ADGRB1: variants seen among roughly 807,000 people sequenced by gnomAD.
ADGRB1 encodes brain-specific angiogenesis inhibitor 1.
Under a neutral mutation model 175.7 loss-of-function variants are expected in ADGRB1, and 36 were observed. That is an observed-to-expected ratio of 0.20 (90% CI 0.16 to 0.27). ADGRB1 has a LOEUF of 0.27. Ranked by LOEUF, ADGRB1 falls within the 10% of genes least tolerant of loss-of-function variation. The pLI is 1.00. For missense variants in ADGRB1, 1,731 were observed against 2,255.3 expected (o/e 0.77, Z 4.71); for synonymous variants, 1,054 against 979.4 (o/e 1.08, Z -1.42).
rs1421246826 is a variant in ADGRB1, at chr8:142,498,648, G to T, written c.2675+7833G>T. On this transcript the variant is annotated intron_variant, in intron 17 of 30. Transcript: ENST00000517894. ...ATTGAGAGTCTGTGCCCTCCTCCCA[G>T]TCCAGGGAGCTTCCTGGGCAACTGG... Among the ~76,000 whole-genome samples, 3 of 152,070 alleles carry T rather than the reference G, an allele frequency of 2.0e-5. 1 individual carries two copies. The highest frequency in any genetic ancestry group is 2.0e-4 in the Admixed American group (3 of 15,284).
intron 5 of ADGRB1, 48 bp downstream of exon 5, chr8:142,477,326 G>GGCTGAGGCAGCGGACT (rs1841037276): frequency 3.2e-6 from 5 of 1,586,536 alleles, no homozygotes; most frequent in Non-Finnish European, 4.3e-6. Context: ...GGCAGCGGGG[G>GGCTGAGGCAGCGGACT]GCCAGGGCAG....
intron 24 of ADGRB1, among the ~76,000 whole-genome samples, chr8:142,532,812 G>A (rs527789286): frequency 5.3e-5 from 8 of 152,086 alleles, no homozygotes; most frequent in African/African-American, 1.9e-4. Context: ...CCTCCTTGGC[G>A]CACCCCACAC....
intron 9 of ADGRB1, among the ~76,000 whole-genome samples, 161 bp from the exon 10 acceptor site, chr8:142,481,093 G>A (rs1371409682): frequency 6.6e-6 from 1 of 152,246 alleles, no homozygotes; most frequent in Non-Finnish European, 1.5e-5. Flanking sequence ...TGAAGGGAAC[G>A]AGGTCCCTGC....
chr8:142,512,407 G>T (rs1219936330), intron 18 of ADGRB1, among the ~76,000 whole-genome samples: 1 of 152,150 alleles, frequency 6.6e-6, no homozygotes, highest in African/African-American at 2.4e-5. Flanking sequence ...AGCCTTTCTG[G>T]GCCCCTTCGA....
At chr8:142,483,882 A>G in intron 11 of ADGRB1, 95 bp from the exon 12 acceptor site, 1 of 1,343,824 alleles carries the variant, frequency 7.4e-7, no homozygotes, top group Non-Finnish European at 1.1e-6. Context: ...TTCAGCCCTG[A>G]CCCTGGTCAC....
chr8:142,464,545 G>T lies in ADGRB1; in HGVS notation c.347G>T (p.Gly116Val). ...CTCGAGTCCACGCGCACCTACCTGG[G>T]CGTGGAGAGCTTCGACGAGGTGCTG... ...SFLESTRTYL[G>V]VESFDEVLRL... The change falls in exon 2 of 31, where the codon GGC becomes GTC. Residue 116 changes from glycine (G) to valine (V), a missense_variant. Coordinates refer to ENST00000517894, the MANE Select transcript of ADGRB1 (RefSeq NM_001702.3). 1 of 1,560,562 alleles carries T rather than the reference G, an allele frequency of 6.4e-7. No individual in the cohort carries two copies.
At chr8:142,471,255 C>G (rs1840645857) in intron 2 of ADGRB1, among the ~76,000 whole-genome samples, 2 of 152,266 alleles carry the variant, frequency 1.3e-5, no homozygotes. Context: ...GCCCACCATG[C>G]CTTCAGCCCT....
chr8:142,532,221 G>T (rs1051958779), intron 24 of ADGRB1, among the ~76,000 whole-genome samples: 5 of 152,202 alleles, frequency 3.3e-5, no homozygotes, highest in African/African-American at 1.2e-4. Flanking sequence ...GGGGCCTCCT[G>T]CGGGCAGGCA....
chr8:142,452,131 C>T (rs1437183824), intron 1 of ADGRB1, among the ~76,000 whole-genome samples: 2 of 152,202 alleles, frequency 1.3e-5, no homozygotes, highest in African/African-American at 4.8e-5. Context: ...GAGCGCCCGG[C>T]GCCCCACGCC....
intron 11 of ADGRB1, among the ~76,000 whole-genome samples, 190 bp from the exon 12 acceptor site, chr8:142,483,787 G>A (rs1290166654): frequency 6.7e-6 from 1 of 148,364 alleles, no homozygotes; most frequent in African/African-American, 2.5e-5. Flanking sequence ...ACTGAGCCTC[G>A]ATCCTGGTTA....
Position 142,510,454 on chromosome 8 carries a change from T to A in ADGRB1, c.2676-478T>A, listed in dbSNP as rs1310436733. On this transcript the variant is annotated intron_variant, in intron 17 of 30. Transcript: ENST00000517894. The surrounding 1 kb of genome is among the most constrained non-coding windows in gnomAD (Gnocchi z 6.3). ...GGCCGGAGAGCTCCGGAGCGGACCC[T>A]CGCCGCGCTCCGAACCCGCCCCGCG... is the stretch of plus-strand genomic sequence containing the variant. Among the ~76,000 whole-genome samples the A allele has an allele frequency of 6.7e-6, 1 of 150,256 alleles. No homozygotes were observed. Among genetic ancestry groups the A allele is most frequent in the Non-Finnish European group, 1.5e-5 (1 of 67,578 alleles).
intron 17 of ADGRB1, among the ~76,000 whole-genome samples, chr8:142,501,290 A>G (rs1221239218): frequency 1.6e-5 from 2 of 128,698 alleles, no homozygotes; most frequent in South Asian, 2.7e-4. Context: ...GATGGAGGTG[A>G]TGGTAGTGAT....
In ADGRB1 at chr8:142,475,493, C is replaced by G; in HGVS notation, c.804C>G (p.Ser268=). 1 of 1,295,622 alleles carries G rather than the reference C, an allele frequency of 7.7e-7. No homozygotes were observed. Among genetic ancestry groups the G allele is most frequent in the Non-Finnish European group, 9.8e-7 (1 of 1,020,496 alleles). 80.3% of individuals were successfully genotyped at this position (1,295,622 alleles called of 1,614,324 possible). The change falls in exon 3 of 31, where the codon TCC becomes TCG. Residue 268 remains serine (S), a synonymous_variant. Coordinates refer to ENST00000517894, the MANE Select transcript of ADGRB1 (RefSeq NM_001702.3). The stretch of plus-strand genomic sequence containing the variant: ...CCCCAGGCGGCTGGAAGCTGTGGTC[C>G]CTGTGGGGCGAATGCACGCGGGACT... ...HGATGGWKLW[S]LWGECTRDCG... is the part of the protein sequence containing the mutation.
intron 22 of ADGRB1, among the ~76,000 whole-genome samples, chr8:142,523,231 A>G (rs989470728): frequency 8.5e-5 from 13 of 152,162 alleles, no homozygotes; most frequent in African/African-American, 2.9e-4. Flanking sequence ...GCTTGGGGTC[A>G]TCCTAGAGGC....
intron 17 of ADGRB1, among the ~76,000 whole-genome samples, chr8:142,507,432 C>G (rs1842899584): frequency 6.6e-6 from 1 of 152,252 alleles, no homozygotes; most frequent in Non-Finnish European, 1.5e-5. Flanking sequence ...GCCAGCCTGA[C>G]CAGCTAGCTC....
At chr8:142,478,546 G>A (rs1276541151) in intron 7 of ADGRB1, among the ~76,000 whole-genome samples, 186 bp downstream of exon 7, 9 of 149,502 alleles carry the variant, frequency 6.0e-5, no homozygotes, top group African/African-American at 2.0e-4. Flanking sequence ...TGCAGGGTGA[G>A]TGAGGTGCAC....
At chr8:142,535,811 C>T (rs1844891125) in intron 25 of ADGRB1, among the ~76,000 whole-genome samples, 1 of 152,046 alleles carries the variant, frequency 6.6e-6, no homozygotes, top group Non-Finnish European at 1.5e-5. Context: ...GCCCAGTAGG[C>T]ATTTGCGGGG....
In ADGRB1 at chr8:142,489,327, C is replaced by A. The variant is rs1348788963; in HGVS notation, c.2529-9C>A. The A allele has an allele frequency of 6.2e-7, 1 of 1,612,602 alleles. No individual in the cohort carries two copies. Among genetic ancestry groups the A allele is most frequent in the Non-Finnish European group, 8.5e-7 (1 of 1,179,666 alleles). On this transcript the variant is annotated splice_polypyrimidine_tract_variant and intron_variant, in intron 15 of 30. Transcript: ENST00000517894. ...GCTCCCCCGACACCTGTGCCTCTGG[C>A]TCTTGCAGGAACACGACCGTCCTGA...
Position 142,543,733 on chromosome 8 carries a change from G to T in ADGRB1, c.4557+25G>T, listed in dbSNP as rs1426479147. 7 of 1,456,050 alleles carry T rather than the reference G, an allele frequency of 4.8e-6. No homozygotes were observed. In the East Asian group the frequency reaches 1.2e-4, roughly 26 times the overall value. The allele number at this position is 1,456,050 out of a possible 1,614,324, so 90.2% of individuals were successfully genotyped here. ...GGTCTGGAGGGCAGGGAGGGGCGGGGTGGGGAGAGCCCTTAGGTCAGGCCA... is the reference window on the plus strand; with the variant it reads ...GGTCTGGAGGGCAGGGAGGGGCGGGTTGGGGAGAGCCCTTAGGTCAGGCCA... On this transcript the variant is annotated intron_variant, in intron 30 of 30. Transcript: ENST00000517894. The surrounding 1 kb of genome is among the most constrained non-coding windows in gnomAD (Gnocchi z 4.4).
Sources: allele counts gnomAD v4.1 joint callset (sites outside exome capture counted in the v4.1 genomes callset), GRCh38; gene constraint gnomAD v4.1.1; non-coding constraint Gnocchi (gnomAD v3.1); transcripts MANE v1.5; gene names NCBI Gene and HGNC (gene_info 2026-07-23, HGNC 2026-07-21).